The following CTNND2 variants were observed in gnomAD, a reference collection of about 807,000 sequenced individuals.
The protein encoded by CTNND2 is catenin delta-2.
In CTNND2, 22 loss-of-function variants were observed where a neutral mutation model predicts 144.4. That is an observed-to-expected ratio of 0.15 (90% confidence interval 0.11 to 0.22). The LOEUF (loss-of-function observed/expected upper bound fraction) is 0.22. Among genes scored for constraint, CTNND2 ranks in the 10% least tolerant of loss-of-function variants. The pLI is 1.00. For missense variants in CTNND2, 1,353 were observed against 1,618.8 expected (o/e 0.84, Z 2.82); for synonymous variants, 751 against 695.6 (o/e 1.08, Z -1.25).
chr5:11,451,735 T>C (rs1765331068), intron 3 of CTNND2, among the ~76,000 whole-genome samples: 1 of 152,242 alleles, frequency 6.6e-6, no homozygotes, highest in African/African-American at 2.4e-5. Flanking sequence ...ACTATTTACA[T>C]AATTCGCACG....
chr5:11,654,312 A>G (rs764356727), intron 2 of CTNND2, among the ~76,000 whole-genome samples: 1 of 152,102 alleles, frequency 6.6e-6, no homozygotes, highest in African/African-American at 2.4e-5. Flanking sequence ...CAACCTGTAG[A>G]TCACTTTGGG....
intron 3 of CTNND2, among the ~76,000 whole-genome samples, chr5:11,486,425 T>C (rs372616978): frequency 2.0e-5 from 3 of 152,350 alleles, no homozygotes. Context: ...CCTTCAATAC[T>C]TGTTCAAGTT....
intron 18 of CTNND2, among the ~76,000 whole-genome samples, chr5:11,007,199 G>T (rs971382165): frequency 2.0e-5 from 3 of 152,212 alleles, no homozygotes; most frequent in African/African-American, 7.2e-5. Context: ...CCATTTGCTA[G>T]TAGGATTGAC....
Position 11,693,027 on chromosome 5 carries a change from G to C in CTNND2, c.174+39109C>G, listed in dbSNP as rs1581730304. On this transcript the variant is annotated intron_variant, in intron 2 of 21. Transcript: ENST00000304623. ...CAAAGTTTAGTCCTAAAACACATCT[G>C]GGTTGTCAATTTTCATATATTATAC... Among the ~76,000 whole-genome samples, 3 of 152,168 alleles carry C rather than the reference G, an allele frequency of 2.0e-5. No homozygotes were observed. In the East Asian group the frequency reaches 5.8e-4, roughly 29 times the overall value.
chr5:11,212,865 C>T (rs1163931205), intron 10 of CTNND2, among the ~76,000 whole-genome samples: 1 of 152,126 alleles, frequency 6.6e-6, no homozygotes, highest in Non-Finnish European at 1.5e-5. Flanking sequence ...TAGACTGGAG[C>T]TGGCACTGAA....
chr5:11,184,994 G>GT (rs1194439325), intron 11 of CTNND2, among the ~76,000 whole-genome samples: 1 of 152,142 alleles, frequency 6.6e-6, no homozygotes, highest in Non-Finnish European at 1.5e-5. Context: ...CTGAGCAGGT[G>GT]TGCAAGAACA....
chr5:11,200,236 G>C (rs1235727738), intron 10 of CTNND2, among the ~76,000 whole-genome samples: 9 of 152,126 alleles, frequency 5.9e-5, no homozygotes, highest in Non-Finnish European at 1.5e-5. Context: ...GGCACGTTAT[G>C]CTTAATTTAG....
At chr5:10,993,519 T>C (rs1738944469) in intron 18 of CTNND2, among the ~76,000 whole-genome samples, 1 of 152,222 alleles carries the variant, frequency 6.6e-6, no homozygotes, top group South Asian at 2.1e-4. Context: ...ACTAACATTA[T>C]AGCAAAGAAA....
intron 2 of CTNND2, among the ~76,000 whole-genome samples, chr5:11,722,965 T>C (rs1303805448): frequency 6.6e-6 from 1 of 152,174 alleles, no homozygotes; most frequent in Non-Finnish European, 1.5e-5. Flanking sequence ...ATCAAGAGTT[T>C]CATCAAGCAC....
At chr5:11,462,923 C>T (rs1288649633) in intron 3 of CTNND2, among the ~76,000 whole-genome samples, 1 of 151,990 alleles carries the variant, frequency 6.6e-6, no homozygotes, top group Non-Finnish European at 1.5e-5. Flanking sequence ...GGCACGGATG[C>T]CCTCCTGTCC....
chr5:11,071,941 A>C lies in CTNND2; in HGVS notation c.2788+10755T>G, dbSNP rs183991240. On this transcript the variant is annotated intron_variant, in intron 16 of 21. Coordinates refer to ENST00000304623, the MANE Select transcript of CTNND2 (RefSeq NM_001332.4). ...TTTCTATCACTGGGAAAAGAAGGCCAAGTAAAAACTGGGGTTTATGTTCGA... is the reference window on the plus strand; with the variant it reads ...TTTCTATCACTGGGAAAAGAAGGCCCAGTAAAAACTGGGGTTTATGTTCGA... Among the ~76,000 whole-genome samples, 9 of 152,366 alleles carry C rather than the reference A, an allele frequency of 5.9e-5. No homozygotes were observed. The East Asian group carries it at 1.7e-3, about 29-fold the overall frequency.
intron 9 of CTNND2, among the ~76,000 whole-genome samples, chr5:11,250,517 ATATTTTT>A (rs1743506580): frequency 2.9e-5 from 1 of 34,724 alleles, no homozygotes; most frequent in South Asian, 8.5e-4. Context: ...ATATATACAT[ATATTTTT>A]TTTTTTTTTT....
At chr5:11,714,796 C>T (rs539776175) in intron 2 of CTNND2, among the ~76,000 whole-genome samples, 1 of 151,672 alleles carries the variant, frequency 6.6e-6, no homozygotes, top group Admixed American at 6.6e-5. Context: ...GTAGTCCCAG[C>T]TACTCGGGAG....
chr5:11,841,074 C>A (rs927993055), intron 1 of CTNND2, among the ~76,000 whole-genome samples: 1 of 152,088 alleles, frequency 6.6e-6, no homozygotes, highest in Admixed American at 6.5e-5. Context: ...TCTGAGACAA[C>A]TACTGTATTA....
chr5:11,708,581 T>C (rs1785847628), intron 2 of CTNND2, among the ~76,000 whole-genome samples: 1 of 152,138 alleles, frequency 6.6e-6, no homozygotes. Flanking sequence ...TACAAGTTTA[T>C]TTTTCTTGCT....
intron 10 of CTNND2, among the ~76,000 whole-genome samples, chr5:11,202,993 C>T (rs757341368): frequency 7.9e-5 from 12 of 151,944 alleles, no homozygotes; most frequent in African/African-American, 1.5e-4. Flanking sequence ...TCAGTAGAGA[C>T]GGGATTTCAT....
Position 11,115,185 on chromosome 5 carries a change from G to A in CTNND2, c.2277+2265C>T, listed in dbSNP as rs977762493. 2.6e-5 allele frequency among the ~76,000 whole-genome samples: 4 copies of A among 152,178 alleles called. No homozygotes were observed. The East Asian group carries it at 5.8e-4, about 22-fold the overall frequency. On this transcript the variant is annotated intron_variant, in intron 13 of 21. Coordinates refer to ENST00000304623, the MANE Select transcript of CTNND2 (RefSeq NM_001332.4). Reference sequence around the variant, plus strand: ...CAACTTCCTCTTTTGGGGAAAATGTGGACATTAGAAAAGATGATCTACCAA... The same window carrying A: ...CAACTTCCTCTTTTGGGGAAAATGTAGACATTAGAAAAGATGATCTACCAA...
At chr5:11,576,749 G>A (rs1778004405) in intron 2 of CTNND2, among the ~76,000 whole-genome samples, 1 of 152,134 alleles carries the variant, frequency 6.6e-6, no homozygotes. Context: ...TAGCAGAACA[G>A]TCTGTTTTCT....
At chr5:11,505,948 A>G (rs985664473) in intron 3 of CTNND2, among the ~76,000 whole-genome samples, 1 of 151,984 alleles carries the variant, frequency 6.6e-6, no homozygotes, top group African/African-American at 2.4e-5. Context: ...GCTCAACCAC[A>G]AGATCCTTCC....
Sources: gnomAD v4.1 joint callset for allele counts (sites outside exome capture counted in the v4.1 genomes callset) on GRCh38, gnomAD v4.1.1 for gene constraint, MANE v1.5 for transcripts, NCBI Gene and HGNC (gene_info 2026-07-23, HGNC 2026-07-21) for gene names.